SMYD3: variants seen among roughly 807,000 people sequenced by gnomAD.
SMYD3 encodes histone-lysine N-methyltransferase SMYD3.
A neutral mutation model predicts 57.7 loss-of-function variants in SMYD3; 36 were observed. The ratio of observed to expected loss-of-function variants is 0.62; its 90% confidence interval spans 0.48 to 0.82. SMYD3 has a LOEUF of 0.82. Ranked by LOEUF, SMYD3 falls within the 40% of genes least tolerant of loss-of-function variation. SMYD3 has a pLI of 0.00. For missense variants in SMYD3, 515 were observed against 538.8 expected, an observed-to-expected ratio of 0.96 and a Z score of 0.44; for synonymous variants, 211 against 195.0, an observed-to-expected ratio of 1.08 and a Z score of -0.68.
chr1:246,173,477 TAATAATA>T (rs1188152725), intron 5 of SMYD3, among the ~76,000 whole-genome samples: 1 of 152,254 alleles, frequency 6.6e-6, no homozygotes, highest in Non-Finnish European at 1.5e-5. Context: ...TTGACTCTTG[TAATAATA>T]CTTACCTTAA....
intron 5 of SMYD3, among the ~76,000 whole-genome samples, chr1:246,049,354 G>A (rs1398215534): frequency 2.0e-5 from 3 of 151,994 alleles, no homozygotes; most frequent in African/African-American, 7.2e-5. Context: ...TGGAGTGCAG[G>A]GGTGCAACCT....
rs185746940 is a variant in SMYD3, at chr1:245,808,006, C to G, written c.1077-43857G>C. Among the ~76,000 whole-genome samples, 39 of 152,244 alleles carry G rather than the reference C, an allele frequency of 2.6e-4. No individual in the cohort carries two copies. The East Asian group carries it at 5.8e-3, about 23-fold the overall frequency. On this transcript the variant is annotated intron_variant, in intron 10 of 11. Transcript: ENST00000490107. ...TTGAGAGTATTCTCCTCTTCTGCCA[C>G]TGCCAAAATCAAAATGAGGACAGAA...
At position 246,129,981 on chromosome 1, in the gene SMYD3, C is replaced by T. The variant is rs560302628; in HGVS notation, c.531+197220G>A. ...AAATATATAACTGTAGCTATGTCTA[C>T]TTCTGTTTAAAGGCAGAGAGAAGAG... On this transcript the variant is annotated intron_variant, in intron 5 of 11. Transcript: ENST00000490107. Among the ~76,000 whole-genome samples the T allele has an allele frequency of 4.6e-5, 7 of 152,260 alleles. 1 individual carries two copies. The highest frequency in any genetic ancestry group is 1.4e-4 in the African/African-American group (6 of 41,548).
chr1:246,074,779 T>C (rs1379399047), intron 5 of SMYD3, among the ~76,000 whole-genome samples: 2 of 152,112 alleles, frequency 1.3e-5, no homozygotes, highest in Admixed American at 1.3e-4. Context: ...ACCCCTACTA[T>C]CCACATGCAT....
chr1:245,935,363 G>GTA (rs1387498220), intron 5 of SMYD3, among the ~76,000 whole-genome samples: 1 of 152,088 alleles, frequency 6.6e-6, no homozygotes, highest in African/African-American at 2.4e-5. Flanking sequence ...TCACAATGAG[G>GTA]TATCACCTCA....
At chr1:246,398,777 A>G (rs2066717124) in intron 1 of SMYD3, among the ~76,000 whole-genome samples, 1 of 152,180 alleles carries the variant, frequency 6.6e-6, no homozygotes, top group African/African-American at 2.4e-5. Context: ...ATGGAGGAAG[A>G]TAAACAGGTG....
intron 5 of SMYD3, among the ~76,000 whole-genome samples, chr1:246,056,097 T>C (rs1186840427): frequency 6.6e-6 from 1 of 152,242 alleles, no homozygotes; most frequent in Non-Finnish European, 1.5e-5. Flanking sequence ...AAATGTTCTC[T>C]ATCTTGATTG....
intron 5 of SMYD3, among the ~76,000 whole-genome samples, chr1:246,145,164 T>A (rs2061823719): frequency 6.6e-6 from 1 of 152,194 alleles, no homozygotes; most frequent in Admixed American, 6.5e-5. Context: ...TTACTGAGAC[T>A]ACACATGCCT....
At chr1:245,993,855 A>G (rs2148123437) in intron 5 of SMYD3, among the ~76,000 whole-genome samples, 1 of 152,308 alleles carries the variant, frequency 6.6e-6, no homozygotes, top group Non-Finnish European at 1.5e-5. Context: ...AATGTATTTA[A>G]TGTCACTGAA....
intron 1 of SMYD3, among the ~76,000 whole-genome samples, chr1:246,444,127 A>AAT (rs2067513270): frequency 7.0e-6 from 1 of 142,724 alleles, no homozygotes. Context: ...GAACCTAAGA[A>AAT]TTTTTTTTTT....
At chr1:246,373,141 A>AT (rs2066217735) in intron 1 of SMYD3, among the ~76,000 whole-genome samples, 1 of 151,956 alleles carries the variant, frequency 6.6e-6, no homozygotes, top group Non-Finnish European at 1.5e-5. Flanking sequence ...CAAAATATTG[A>AT]TTTTTTTCTT....
At chr1:246,076,440 T>C (rs2060548805) in intron 5 of SMYD3, among the ~76,000 whole-genome samples, 1 of 152,100 alleles carries the variant, frequency 6.6e-6, no homozygotes, top group Non-Finnish European at 1.5e-5. Context: ...TTCTAATATA[T>C]CCCATTTTAT....
intron 8 of SMYD3, among the ~76,000 whole-genome samples, chr1:245,902,186 C>T (rs1476659986): frequency 2.6e-5 from 4 of 152,166 alleles, no homozygotes; most frequent in Non-Finnish European, 5.9e-5. Flanking sequence ...GCCAGATATC[C>T]AGTACTCTAG....
intron 5 of SMYD3, among the ~76,000 whole-genome samples, chr1:246,236,421 T>A (rs10924588): frequency 0.18 from 27,957 of 151,726 alleles, 2,866 homozygotes; most frequent in East Asian, 0.34. Context: ...TTAATTAATT[T>A]ATTTATTTTT....
At chr1:246,096,781 A>G (rs2060923232) in intron 5 of SMYD3, among the ~76,000 whole-genome samples, 1 of 149,974 alleles carries the variant, frequency 6.7e-6, no homozygotes, top group Non-Finnish European at 1.5e-5. Context: ...ATTGTAACAA[A>G]TGGTTATCAT....
rs2065168651 is a variant in SMYD3 at position 246,316,822 on chromosome 1, CATCT to C, written c.531+10375_531+10378del. ...CATCCTGGCCAACATGGTGAAACCC[CATCT>C]CAACTAAAAATATAAAAATTAGCTG... On this transcript the variant is annotated intron_variant, in intron 5 of 11. Transcript: ENST00000490107. Among the ~76,000 whole-genome samples the C allele has an allele frequency of 2.0e-5, 3 of 150,648 alleles. No individual in the cohort carries two copies. The South Asian group carries it at 6.3e-4, about 32-fold the overall frequency.
At chr1:245,971,319 T>C (rs562820283) in intron 5 of SMYD3, among the ~76,000 whole-genome samples, 2 of 152,030 alleles carry the variant, frequency 1.3e-5, no homozygotes, top group Non-Finnish European at 2.9e-5. Context: ...AGGGGAGAGA[T>C]AGCATTAGAA....
intron 1 of SMYD3, among the ~76,000 whole-genome samples, chr1:246,385,196 G>A (rs562460232): frequency 7.2e-5 from 11 of 152,078 alleles, no homozygotes; most frequent in Non-Finnish European, 1.2e-4. Flanking sequence ...TTTAAACTAT[G>A]TGCATAACAC....
chr1:246,259,787 A>T (rs1160640000), intron 5 of SMYD3, among the ~76,000 whole-genome samples: 1 of 152,274 alleles, frequency 6.6e-6, no homozygotes, highest in East Asian at 1.9e-4. Context: ...CACAAGCACC[A>T]GCACTGACAG....
Sources: gnomAD v4.1 joint callset for allele counts (sites outside exome capture counted in the v4.1 genomes callset) on GRCh38, gnomAD v4.1.1 for gene constraint, MANE v1.5 for transcripts, NCBI Gene and HGNC (gene_info 2026-07-23, HGNC 2026-07-21) for gene names.